The following FHAD1 variants were observed in gnomAD, a reference collection of about 807,000 sequenced individuals.
The protein encoded by FHAD1 is forkhead associated phosphopeptide binding domain 1.
A neutral mutation model predicts 191.3 loss-of-function variants in FHAD1; 146 were observed. That is an observed-to-expected ratio of 0.76 (90% CI 0.67 to 0.88). FHAD1 has a LOEUF of 0.88. FHAD1 is among the 40% of genes least tolerant of loss of function. FHAD1 has a pLI of 0.00. For missense variants in FHAD1, 1,635 were observed against 1,785.8 expected, an observed-to-expected ratio of 0.92 and a Z score of 1.52; for synonymous variants, 616 against 672.3, an observed-to-expected ratio of 0.92 and a Z score of 1.29.
intron 20 of FHAD1, among the ~76,000 whole-genome samples, chr1:15,353,704 CAAAAAAA>C (rs60518389): frequency 6.9e-4 from 42 of 60,992 alleles, no homozygotes; most frequent in South Asian, 1.5e-3. Flanking sequence ...GACTCCATCT[CAAAAAAA>C]AAAAAAAAAA....
intron 23 of FHAD1, 137 bp downstream of exon 23, chr1:15,362,863 C>T (rs1695250473): frequency 2.9e-6 from 2 of 678,100 alleles, no homozygotes; most frequent in Non-Finnish European, 2.6e-6. Flanking sequence ...CTTCCCAGTG[C>T]TGCTTCCATT....
Position 15,308,733 on chromosome 1 carries a change from T to C in FHAD1, c.1036T>C (p.Ser346Pro). Residue 346 changes from serine (S) to proline (P), a missense_variant, in exon 7 of 34, where the codon TCA becomes CCA. Ser to Pro is a moderately conservative substitution (Grantham distance 74, BLOSUM62 -1). Transcript: ENST00000688493. ...ENLKRDNAITSGMVSSLQKDI... is the reference protein window; with the variant it reads ...ENLKRDNAITPGMVSSLQKDI... ...CTTAAAGAGAGACAACGCTATCACA[T>C]CAGGTGAGCCCTTGGAGTCGGGCCT... The C allele has an allele frequency of 6.4e-7, 1 of 1,551,652 alleles. No individual in the cohort carries two copies. The highest frequency in any genetic ancestry group is 8.7e-7 in the Non-Finnish European group (1 of 1,146,954).
chr1:15,249,290 TAAA>T (rs34278950), intron 1 of FHAD1, among the ~76,000 whole-genome samples: 4 of 133,682 alleles, frequency 3.0e-5, no homozygotes, highest in Non-Finnish European at 1.6e-5. Flanking sequence ...GGGGAAGAGC[TAAA>T]AAAAAAAAAA....
At position 15,289,561 on chromosome 1, in the gene FHAD1, C is replaced by T; in HGVS notation, c.463C>T (p.Pro155Ser). The change falls in exon 4 of 34, where the codon CCC becomes TCC. Residue 155 changes from proline (P) to serine (S), a missense_variant. Physicochemically the swap from Pro to Ser is moderately conservative, Grantham distance 74. Coordinates refer to ENST00000688493, the MANE Select transcript of FHAD1 (RefSeq NM_001391957.1). This position sits in a 1 kb window ranked among gnomAD's most constrained non-coding sequence, Gnocchi z 4.2. ...GAGCTGGTCCCAGGCCTTTCCCAGA[C>T]CCACCGTGGTCCTGCCGGCCTCCCA... ...QRSWSQAFPR[P>S]TVVLPASHRR... The T allele has an allele frequency of 1.9e-6, 3 of 1,551,792 alleles. No homozygotes were observed. The Admixed American group carries it at 5.9e-5, about 30-fold the overall frequency.
At chr1:15,383,779 G>T (rs1202333180) in intron 31 of FHAD1, 1 of 372,072 alleles carries the variant, frequency 2.7e-6, no homozygotes, top group Admixed American at 3.0e-5. Context: ...TAATAGCCCT[G>T]CCTGGTACGA....
At chr1:15,401,075 T>C (rs1458024853), downstream of FHAD1, among the ~76,000 whole-genome samples, 2 of 152,214 alleles carry the variant, frequency 1.3e-5, no homozygotes, top group Non-Finnish European at 2.9e-5. Flanking sequence ...TTCCAGTACC[T>C]GCCCTTGGGT....
chr1:15,297,575 C>T (rs911414082), intron 5 of FHAD1, among the ~76,000 whole-genome samples: 3 of 152,322 alleles, frequency 2.0e-5, no homozygotes, highest in Admixed American at 6.5e-5. Context: ...TTTGGATGCT[C>T]TGTCAGTTAC....
chr1:15,382,544 C>G (rs539217010), intron 31 of FHAD1, among the ~76,000 whole-genome samples: 1 of 152,242 alleles, frequency 6.6e-6, no homozygotes, highest in Admixed American at 6.5e-5. Context: ...GCCTGGCACG[C>G]GGTAGACACC....
intron 7 of FHAD1, among the ~76,000 whole-genome samples, chr1:15,310,114 A>G (rs1000216158): frequency 3.3e-5 from 5 of 152,198 alleles, no homozygotes; most frequent in African/African-American, 1.2e-4. Flanking sequence ...GGACAGAGAA[A>G]GGGGGAAGAG....
rs1219357408 is a variant in FHAD1, at chr1:15,289,826, AATCAGCCGTAATCCTT to A, written c.568+164_568+179del. Among the ~76,000 whole-genome samples the A allele has an allele frequency of 6.6e-6, 1 of 152,214 alleles. No individual in the cohort carries two copies. The highest frequency in any genetic ancestry group is 1.5e-5 in the Non-Finnish European group (1 of 68,040). On this transcript the variant is annotated intron_variant, in intron 4 of 33. Coordinates refer to ENST00000688493, the MANE Select transcript of FHAD1 (RefSeq NM_001391957.1). This position sits in a 1 kb window ranked among gnomAD's most constrained non-coding sequence, Gnocchi z 4.2. ...GCAGAAAGTAAGAAAACAGTTAAAA[AATCAGCCGTAATCCTT>A]ATCCCCAGGGTCTCCCTATTGACTC...
intron 1 of FHAD1, among the ~76,000 whole-genome samples, chr1:15,238,261 A>AAAG (rs1645000441): frequency 6.6e-6 from 1 of 150,882 alleles, no homozygotes; most frequent in Admixed American, 6.6e-5. Context: ...AAAAAAAAAA[A>AAAG]AAAAAAAAGG....
At chr1:15,321,442 A>T (rs1574316638) in intron 10 of FHAD1, among the ~76,000 whole-genome samples, 1 of 152,214 alleles carries the variant, frequency 6.6e-6, no homozygotes, top group Admixed American at 6.5e-5. Context: ...AATATTCATT[A>T]ATAATTATGT....
In FHAD1 at chr1:15,329,328, G is replaced by C; in HGVS notation, c.1711-18G>C. The C allele has an allele frequency of 3.3e-6, 5 of 1,530,408 alleles. No individual in the cohort carries two copies. Among genetic ancestry groups the C allele is most frequent in the Non-Finnish European group, 4.4e-6 (5 of 1,131,388 alleles). The allele number at this position is 1,530,408 out of a possible 1,614,324, so 94.8% of individuals were successfully genotyped here. On this transcript the variant is annotated intron_variant, in intron 13 of 33. Coordinates refer to ENST00000688493, the MANE Select transcript of FHAD1 (RefSeq NM_001391957.1). The surrounding 1 kb of genome is among the most constrained non-coding windows in gnomAD (Gnocchi z 5.0). ...TGGCCACAGGGCCTGGGCTCCTCAT[G>C]ATCTCACCTCTTTGCAGGCTTGCAT...
intron 1 of FHAD1, among the ~76,000 whole-genome samples, chr1:15,250,628 C>T (rs986766879): frequency 4.6e-5 from 7 of 152,064 alleles, no homozygotes; most frequent in Admixed American, 3.3e-4. Flanking sequence ...AGAAATACAG[C>T]GATTTAAAAA....
chr1:15,329,495 G>C lies in FHAD1; in HGVS notation c.1860G>C (p.Glu620Asp), dbSNP rs1242790284. 1.3e-6 allele frequency: 2 copies of C among 1,550,960 alleles called. No individual in the cohort carries two copies. Among genetic ancestry groups the C allele is most frequent in the Non-Finnish European group, 1.7e-6 (2 of 1,146,968 alleles). Residue 620 changes from glutamate (E) to aspartate (D), a missense_variant, in exon 14 of 34, where the codon GAG becomes GAC. By Grantham distance (45) the Glu-to-Asp change is conservative. Transcript: ENST00000688493. The surrounding 1 kb of genome is among the most constrained non-coding windows in gnomAD (Gnocchi z 5.0). ...RHALSWLEEV[E>D]QLLRDLGILP... is the part of the protein sequence containing the mutation. ...CGCTGTCCTGGCTGGAGGAGGTGGA[G>C]CAGCTCCTCCGGGACCTCGGGATCC...
chr1:15,343,417 C>T lies in FHAD1; in HGVS notation c.2130+1529C>T, dbSNP rs556803742. On this transcript the variant is annotated intron_variant, in intron 16 of 33. Transcript: ENST00000688493. ...GACCCCAACTCTTCCCAGATATCTCCTCTCTTCCCCGGAAGAGTACTGGAC... is the reference window on the plus strand; with the variant it reads ...GACCCCAACTCTTCCCAGATATCTCTTCTCTTCCCCGGAAGAGTACTGGAC... Among the ~76,000 whole-genome samples, 7 of 151,700 alleles carry T rather than the reference C, an allele frequency of 4.6e-5. No individual in the cohort carries two copies. The East Asian group carries it at 7.8e-4, about 17-fold the overall frequency.
At chr1:15,254,212 A>G (rs1647135175) in intron 2 of FHAD1, among the ~76,000 whole-genome samples, 1 of 152,190 alleles carries the variant, frequency 6.6e-6, no homozygotes, top group Non-Finnish European at 1.5e-5. Flanking sequence ...AGAAACAGTG[A>G]TCTCTGTTTT....
At chr1:15,272,163 A>G (rs1429623254) in intron 2 of FHAD1, among the ~76,000 whole-genome samples, 160 bp from the exon 3 acceptor site, 1 of 152,090 alleles carries the variant, frequency 6.6e-6, no homozygotes, top group Non-Finnish European at 1.5e-5. Context: ...GGCCTTGGGC[A>G]AGTCGCTTAA....
intron 2 of FHAD1, among the ~76,000 whole-genome samples, chr1:15,270,601 C>A (rs1655492325): frequency 6.6e-6 from 1 of 152,124 alleles, no homozygotes. Flanking sequence ...AATATAAGCT[C>A]TAGGTTGTTA....
Sources: allele counts gnomAD v4.1 joint callset (sites outside exome capture counted in the v4.1 genomes callset), GRCh38; gene constraint gnomAD v4.1.1; non-coding constraint Gnocchi (gnomAD v3.1); transcripts MANE v1.5; gene names NCBI Gene and HGNC (gene_info 2026-07-23, HGNC 2026-07-21).